Variants in LSMEM1 observed in about 807,000 individuals in gnomAD.
LSMEM1 encodes leucine-rich single-pass membrane protein 1.
LSMEM1 carries 10 observed loss-of-function variants against 11.3 expected under a neutral mutation model. The ratio of observed to expected loss-of-function variants is 0.89; its 90% confidence interval spans 0.55 to 1.50. LSMEM1 has a LOEUF of 1.50. LSMEM1 is among the 40% of genes most tolerant of loss of function. LSMEM1 has a pLI of 0.00. For missense variants in LSMEM1, 151 were observed against 152.9 expected (o/e 0.99, Z 0.06); for synonymous variants, 65 against 59.3 (o/e 1.10, Z -0.44).
chr7:112,484,733 C>A, intron 1 of LSMEM1, 79 bp from the exon 2 acceptor site: 1 of 1,498,828 alleles, frequency 6.7e-7, no homozygotes, highest in Non-Finnish European at 9.1e-7. Flanking sequence ...GCCTGTCTGG[C>A]TTCCTGGTGG....
chr7:112,480,884 C>T (rs1180358418), upstream of LSMEM1: 7 of 456,230 alleles, frequency 1.5e-5, no homozygotes, highest in East Asian at 4.9e-4. Context: ...ATAGTGGCAG[C>T]TTCCGCCTGC....
At position 112,481,282 on chromosome 7, in the gene LSMEM1, TTTTG is replaced by T. The variant is rs141244847; in HGVS notation, c.-58_-55del. 0.45 allele frequency: 70,305 copies of T among 154,598 alleles called. 16,481 individuals are homozygous for T. Among genetic ancestry groups the T allele is most frequent in the Non-Finnish European group, 0.51 (35,513 of 69,886 alleles). The allele number at this position is 154,598 out of a possible 1,614,324, so 9.6% of individuals were successfully genotyped here. ...TTGTAGTTGCTTCTGAACAATTAGT[TTTTG>T]TTTGTTTGTTTTGTTTTGTTTTGTT... On this transcript the variant is annotated 5_prime_UTR_variant, in exon 1 of 4. Transcript: ENST00000312849.
At chr7:112,480,312 G>T (rs375222518), upstream of LSMEM1, among the ~76,000 whole-genome samples, 88 of 152,318 alleles carry the variant, frequency 5.8e-4, 1 homozygote, top group South Asian at 0.016. Flanking sequence ...GAAGGTCTCA[G>T]TAGGCTGGGA....
In LSMEM1 at chr7:112,489,995, C is replaced by T. The variant is rs371031969; in HGVS notation, c.*46C>T. ...ACCTGCTAACACCTTGAGCTTTTTACTTTCCTGGGAGTGTACAGGGTTAGG... is the reference window on the plus strand; with the variant it reads ...ACCTGCTAACACCTTGAGCTTTTTATTTTCCTGGGAGTGTACAGGGTTAGG... On this transcript the variant is annotated 3_prime_UTR_variant, in exon 4 of 4. Transcript: ENST00000312849. The T allele has an allele frequency of 6.3e-7, 1 of 1,586,534 alleles. No individual in the cohort carries two copies. Among genetic ancestry groups the T allele is most frequent in the Non-Finnish European group, 8.6e-7 (1 of 1,168,386 alleles).
chr7:112,480,849 C>G (rs1460005204), upstream of LSMEM1: 1 of 456,110 alleles, frequency 2.2e-6, no homozygotes, highest in East Asian at 6.9e-5. Flanking sequence ...TCTGGTTTGT[C>G]TGGAGTGTTT....
At position 112,490,277 on chromosome 7, in the gene LSMEM1, C is replaced by A. The variant is rs887553442; in HGVS notation, c.*328C>A. On this transcript the variant is annotated 3_prime_UTR_variant, in exon 4 of 4. Transcript: ENST00000312849. ...TACGTCCAACTTCTTACAGAAGGAG[C>A]TTTGCTACCAGAACAAGTTCACTGT... is the stretch of plus-strand genomic sequence containing the variant. 4.5e-6 allele frequency: 1 copy of A among 223,322 alleles called. No homozygotes were observed. The highest frequency in any genetic ancestry group is 8.8e-6 in the Non-Finnish European group (1 of 113,024). 13.8% of individuals were successfully genotyped at this position (223,322 alleles called of 1,614,324 possible). A position where few individuals can be genotyped will look rare whatever the true frequency, so the allele number is the denominator to read the frequency against.
At chr7:112,485,978 A>G (rs1009251120) in intron 2 of LSMEM1, 1 of 152,026 alleles carries the variant, frequency 6.6e-6, no homozygotes, top group Non-Finnish European at 1.5e-5. Flanking sequence ...AATGCAGTCA[A>G]TTCTTGGTTT....
At chr7:112,484,325 A>C (rs565133679) in intron 1 of LSMEM1, among the ~76,000 whole-genome samples, 2 of 152,204 alleles carry the variant, frequency 1.3e-5, no homozygotes, top group Non-Finnish European at 1.5e-5. Context: ...GTTCATGGTA[A>C]TATTCTCTTT....
At position 112,489,854 on chromosome 7, in the gene LSMEM1, G is replaced by A. The variant is rs1796204090; in HGVS notation, c.301G>A (p.Ala101Thr). Reference sequence around the variant, plus strand: ...GGATGATGTGTCAAGAAGACTAACAGCTGAAGGAAAAGACATAGATGATCT... The same window carrying A: ...GGATGATGTGTCAAGAAGACTAACAACTGAAGGAAAAGACATAGATGATCT... ...KMDDVSRRLT[A>T]EGKDIDDLKR... The change falls in exon 4 of 4, where the codon GCT becomes ACT. Residue 101 changes from alanine (A) to threonine (T), a missense_variant. Coordinates refer to ENST00000312849, the MANE Select transcript of LSMEM1 (RefSeq NM_182597.3). 1.2e-6 allele frequency: 2 copies of A among 1,614,024 alleles called. No homozygotes were observed. Among genetic ancestry groups the A allele is most frequent in the Non-Finnish European group, 1.7e-6 (2 of 1,179,942 alleles).
Position 112,484,798 on chromosome 7 carries a change from G to T in LSMEM1, c.-5-14G>T, listed in dbSNP as rs201708903. On this transcript the variant is annotated splice_polypyrimidine_tract_variant and intron_variant, in intron 1 of 3. Coordinates refer to ENST00000312849, the MANE Select transcript of LSMEM1 (RefSeq NM_182597.3). ...GCCCAACCTCTTGTTTTTAACATCA[G>T]TGTTTTCTTCCAGGGACAATGACTC... 1.8e-4 allele frequency: 294 copies of T among 1,610,370 alleles called. 1 individual carries two copies. The highest frequency in any genetic ancestry group is 4.4e-4 in the Admixed American group (26 of 59,530).
Position 112,481,117 on chromosome 7 carries a change from G to A in LSMEM1, c.-235G>A. 2 of 326,742 alleles carry A rather than the reference G, an allele frequency of 6.1e-6. 1 individual carries two copies. 20.2% of individuals were successfully genotyped at this position (326,742 alleles called of 1,614,324 possible). On this transcript the variant is annotated 5_prime_UTR_variant, in exon 1 of 4. Coordinates refer to ENST00000312849, the MANE Select transcript of LSMEM1 (RefSeq NM_182597.3). ...CCTTAGACATTATGAAAAAAGTCAG[G>A]ATTTGGAATCTTACACTGCTTGGCT...
intron 1 of LSMEM1, among the ~76,000 whole-genome samples, chr7:112,482,990 A>G (rs1796058807): frequency 1.3e-5 from 2 of 152,206 alleles, no homozygotes; most frequent in Admixed American, 6.5e-5. Context: ...TCACTTTCTT[A>G]GCTAGGGTTC....
intron 2 of LSMEM1, among the ~76,000 whole-genome samples, chr7:112,485,353 T>G (rs1353806458): frequency 6.6e-6 from 1 of 152,152 alleles, no homozygotes; most frequent in African/African-American, 2.4e-5. Context: ...CAGAGCATTT[T>G]CTACTTACAA....
At chr7:112,485,361 C>T (rs1796108687) in intron 2 of LSMEM1, among the ~76,000 whole-genome samples, 1 of 151,800 alleles carries the variant, frequency 6.6e-6, no homozygotes. Context: ...TTTCTACTTA[C>T]AAGTTACAAA....
chr7:112,482,673 C>A (rs1245613095), intron 1 of LSMEM1, among the ~76,000 whole-genome samples: 1 of 152,170 alleles, frequency 6.6e-6, no homozygotes, highest in Non-Finnish European at 1.5e-5. Flanking sequence ...TGTGACTATG[C>A]ATGAGTGAAT....
chr7:112,489,753 A>C, intron 3 of LSMEM1, 57 bp from the exon 4 acceptor site: 1 of 1,561,206 alleles, frequency 6.4e-7, no homozygotes, highest in South Asian at 1.2e-5. Context: ...GGATCTGATG[A>C]ATTTCAGTGG....
intron 3 of LSMEM1, among the ~76,000 whole-genome samples, chr7:112,488,196 G>C (rs1015263913): frequency 6.6e-6 from 1 of 152,172 alleles, no homozygotes. Context: ...TTTGCATTTA[G>C]AAGCTAACAT....
upstream of LSMEM1, among the ~76,000 whole-genome samples, chr7:112,480,373 G>T (rs984995490): frequency 2.0e-5 from 3 of 152,114 alleles, no homozygotes; most frequent in South Asian, 6.2e-4. Context: ...CTGTCTCAAA[G>T]AAAATTTTGT....
intron 2 of LSMEM1, among the ~76,000 whole-genome samples, chr7:112,485,502 A>C (rs901446112): frequency 4.6e-5 from 7 of 152,222 alleles, no homozygotes; most frequent in Non-Finnish European, 7.3e-5. Flanking sequence ...CATCTTTTCT[A>C]GCTTAAATGC....
Sources: gnomAD v4.1 joint callset for allele counts (sites outside exome capture counted in the v4.1 genomes callset) on GRCh38, gnomAD v4.1.1 for gene constraint, MANE v1.5 for transcripts, NCBI Gene and HGNC (gene_info 2026-07-23, HGNC 2026-07-21) for gene names.